OTOG: variants seen among roughly 807,000 people sequenced by gnomAD.
OTOG encodes the protein otogelin.
In OTOG, 296 loss-of-function variants were observed where a neutral mutation model predicts 313.8. The observed-to-expected ratio is 0.94, with a 90% CI of 0.86 to 1.04. The LOEUF is 1.04. Ranked by LOEUF, OTOG falls within the 50% of genes least tolerant of loss-of-function variation. The pLI is 0.00. For missense variants in OTOG, 3,948 were observed against 3,840.1 expected (o/e 1.03, Z -0.74); for synonymous variants, 1,533 against 1,554.9 (o/e 0.99, Z 0.33).
At chr11:17,638,715 A>G (rs528303158) in intron 48 of OTOG, 166 bp downstream of exon 48, 1 of 1,539,596 alleles carries the variant, frequency 6.5e-7, no homozygotes, top group Non-Finnish European at 8.8e-7. Flanking sequence ...CCGCACTCCA[A>G]GTGCTGAGCA....
At chr11:17,581,149 T>C (rs1008486792) in intron 23 of OTOG, among the ~76,000 whole-genome samples, 2 of 152,050 alleles carry the variant, frequency 1.3e-5, no homozygotes, top group African/African-American at 4.8e-5. Flanking sequence ...CACCCAGCAG[T>C]TCACCCTGAA....
intron 39 of OTOG, among the ~76,000 whole-genome samples, chr11:17,620,582 T>C (rs78894156): frequency 0.045 from 6,880 of 152,322 alleles, 504 homozygotes; most frequent in African/African-American, 0.16. Context: ...TTATTTCTGG[T>C]AAGAAATCTG....
At chr11:17,614,034 A>G (rs1186098544) in intron 39 of OTOG, among the ~76,000 whole-genome samples, 2 of 152,186 alleles carry the variant, frequency 1.3e-5, no homozygotes, top group Non-Finnish European at 2.9e-5. Flanking sequence ...ACCTATGACC[A>G]CATGAACACA....
chr11:17,597,284 A>T (rs1315579702), intron 30 of OTOG, among the ~76,000 whole-genome samples: 1 of 152,226 alleles, frequency 6.6e-6, no homozygotes, highest in South Asian at 2.1e-4. Context: ...AGAGAGTCCA[A>T]TGCGAACCCG....
intron 15 of OTOG, among the ~76,000 whole-genome samples, chr11:17,564,619 C>T (rs774583967): frequency 2.0e-5 from 3 of 152,200 alleles, no homozygotes; most frequent in Non-Finnish European, 4.4e-5. Context: ...TGCGACTGCA[C>T]TCCTGGGTGC....
chr11:17,609,129 G>C lies in OTOG; in HGVS notation c.4275-1G>C, dbSNP rs1478750141. On this transcript the variant is annotated splice_acceptor_variant, in intron 34 of 55. Coordinates refer to ENST00000399397, the MANE Select transcript of OTOG (RefSeq NM_001292063.2). LOFTEE classifies it high-confidence loss of function. ...TAAACTGCTCCCTGCTCTGTCCTCA[G>C]GGTAGAAGGCTGTGTCCCTGTGTGC... 4 of 1,550,390 alleles carry C rather than the reference G, an allele frequency of 2.6e-6. No homozygotes were observed. The Admixed American group carries it at 5.9e-5, about 23-fold the overall frequency.
chr11:17,552,664 C>T (rs143250323), intron 4 of OTOG, among the ~76,000 whole-genome samples: 66 of 61,102 alleles, frequency 1.1e-3, no homozygotes, highest in African/African-American at 7.2e-3. Flanking sequence ...GCTTTGTCTT[C>T]CCTTCGTCTA....
At chr11:17,615,697 G>A (rs1054682689) in intron 39 of OTOG, among the ~76,000 whole-genome samples, 23 of 152,160 alleles carry the variant, frequency 1.5e-4, no homozygotes, top group South Asian at 4.1e-4. Context: ...TTGGGAGGCC[G>A]AGGTGGGCGG....
Position 17,645,806 on chromosome 11 carries a change from C to T in OTOG, c.8604C>T (p.Asn2868=), listed in dbSNP as rs1848064643. 1 of 1,551,122 alleles carries T rather than the reference C, an allele frequency of 6.4e-7. No individual in the cohort carries two copies. The highest frequency in any genetic ancestry group is 8.7e-7 in the Non-Finnish European group (1 of 1,147,114). Residue 2868 remains asparagine, a synonymous_variant, in exon 56 of 56, where the codon AAC becomes AAT. Coordinates refer to ENST00000399397, the MANE Select transcript of OTOG (RefSeq NM_001292063.2). ...PSASIYNYNI[N]TYARFCKCCR... is the part of the protein sequence containing the mutation. ...CCAGCATCTACAACTACAACATCAACACCTATGCCCGATTCTGCAAGTGCT... is the reference window on the plus strand; with the variant it reads ...CCAGCATCTACAACTACAACATCAATACCTATGCCCGATTCTGCAAGTGCT...
Position 17,593,588 on chromosome 11 carries a change from C to G in OTOG, c.3142-22C>G, listed in dbSNP as rs1429993395. 3.2e-6 allele frequency: 5 copies of G among 1,548,130 alleles called. No individual in the cohort carries two copies. The Admixed American group carries it at 5.9e-5, about 18-fold the overall frequency. Reference sequence around the variant, plus strand: ...CGCTAGGGGGCACTTGGGCTCAGGACTGACCATCTCTGTCCCTCTAGAGTC... The same window carrying G: ...CGCTAGGGGGCACTTGGGCTCAGGAGTGACCATCTCTGTCCCTCTAGAGTC... On this transcript the variant is annotated intron_variant, in intron 26 of 55. Transcript: ENST00000399397.
chr11:17,632,046 G>A, intron 41 of OTOG, 42 bp from the exon 42 acceptor site: 2 of 1,545,202 alleles, frequency 1.3e-6, no homozygotes, highest in South Asian at 1.2e-5. Flanking sequence ...ACTGGGATAT[G>A]TGCCATCCGA....
chr11:17,576,894 G>A lies in OTOG; in HGVS notation c.2588G>A (p.Cys863Tyr). The stretch of plus-strand genomic sequence containing the variant: ...CACTGCAAAGATGGAGTCATGAGCT[G>A]TGATAGCAGAGCCCCAGGTAAGGGT... Reference protein sequence around the residue: ...HCHCKDGVMSCDSRAPAAACP... With the variant: ...HCHCKDGVMSYDSRAPAAACP... Residue 863 changes from cysteine (C) to tyrosine (Y), a missense_variant, in exon 22 of 56, where the codon TGT (cysteine) becomes TAT (tyrosine). By Grantham distance (194) the Cys-to-Tyr change is radical. Coordinates refer to ENST00000399397, the MANE Select transcript of OTOG (RefSeq NM_001292063.2). The A allele has an allele frequency of 7.7e-6, 12 of 1,550,508 alleles. No homozygotes were observed. The highest frequency in any genetic ancestry group is 2.4e-5 in the East Asian group (1 of 40,920).
rs749934230 is a variant in OTOG, at chr11:17,639,479, T to TC, written c.7935+21dup. 5 of 1,550,140 alleles carry TC rather than the reference T, an allele frequency of 3.2e-6. No individual in the cohort carries two copies. The South Asian group carries it at 5.9e-5, about 18-fold the overall frequency. On this transcript the variant is annotated intron_variant, in intron 49 of 55. Transcript: ENST00000399397. The stretch of plus-strand genomic sequence containing the variant: ...GTGCCATCTGGTATGGAGACGCTCC[T>TC]CCCCCAACACTCCCTGGTCTGCTCC...
intron 33 of OTOG, 89 bp from the exon 34 acceptor site, chr11:17,608,207 C>T: frequency 1.2e-6 from 1 of 847,756 alleles, no homozygotes; most frequent in Non-Finnish European, 1.8e-6. Context: ...CCATTTGTCC[C>T]CTCCACAGGA....
chr11:17,558,313 C>A lies in OTOG; in HGVS notation c.994C>A (p.Gln332Lys). The change falls in exon 9 of 56, where the codon CAG (glutamine) becomes AAG (lysine). Residue 332 changes from glutamine to lysine, a missense_variant and splice_region_variant. Physicochemically the swap from Gln to Lys is moderately conservative, Grantham distance 53 (BLOSUM62 1). Coordinates refer to ENST00000399397, the MANE Select transcript of OTOG (RefSeq NM_001292063.2). ...CCTACAGCAGAACCCAGGAACCATG[C>A]AGGTCTGGAGCTTGGGGAGAAACTC... ...PCLQQNPGTMQGVYEQCEALL... is the reference protein window; with the variant it reads ...PCLQQNPGTMKGVYEQCEALL... 6.4e-7 allele frequency: 1 copy of A among 1,550,846 alleles called. No homozygotes were observed. The highest frequency in any genetic ancestry group is 8.7e-7 in the Non-Finnish European group (1 of 1,147,016).
intron 45 of OTOG, 24 bp downstream of exon 45, chr11:17,634,972 G>A: frequency 1.3e-6 from 2 of 1,497,050 alleles, no homozygotes; most frequent in Non-Finnish European, 1.8e-6. Flanking sequence ...GGTGGGGAGG[G>A]TGGGGGACGG....
At chr11:17,608,012 C>A (rs1853429946) in intron 33 of OTOG, among the ~76,000 whole-genome samples, 1 of 152,126 alleles carries the variant, frequency 6.6e-6, no homozygotes, top group Admixed American at 6.5e-5. Context: ...AACCTCACTC[C>A]AACTGCCGGG....
intron 3 of OTOG, among the ~76,000 whole-genome samples, chr11:17,550,413 C>T (rs576931561): frequency 1.7e-4 from 26 of 152,236 alleles, no homozygotes; most frequent in African/African-American, 6.0e-4. Flanking sequence ...AAACATTATT[C>T]TGAGAAGGTG....
chr11:17,610,210 C>T lies in OTOG; in HGVS notation c.4910C>T (p.Pro1637Leu), dbSNP rs1328238126. The change falls in exon 36 of 56, where the codon CCC (proline) becomes CTC (leucine). Residue 1637 changes from proline (P) to leucine (L), a missense_variant. Coordinates refer to ENST00000399397, the MANE Select transcript of OTOG (RefSeq NM_001292063.2). ...SLPVRTTPPQ[P>L]SLTASPSSRP... Reference sequence around the variant, plus strand: ...CCTGTTAGGACGACACCCCCACAGCCCTCCTTGACAGCAAGTCCCTCCTCC... The same window carrying T: ...CCTGTTAGGACGACACCCCCACAGCTCTCCTTGACAGCAAGTCCCTCCTCC... The T allele has an allele frequency of 1.9e-6, 3 of 1,550,390 alleles. No individual in the cohort carries two copies. Among genetic ancestry groups the T allele is most frequent in the Non-Finnish European group, 8.7e-7 (1 of 1,146,918 alleles).
Sources: allele counts gnomAD v4.1 joint callset (sites outside exome capture counted in the v4.1 genomes callset), GRCh38; gene constraint gnomAD v4.1.1; transcripts MANE v1.5; gene names NCBI Gene and HGNC (gene_info 2026-07-23, HGNC 2026-07-21).